Variants in ZFHX4 observed in about 807,000 individuals in gnomAD.
The protein encoded by ZFHX4 is zinc finger homeobox protein 4.
ZFHX4 carries 56 observed loss-of-function variants against 267.6 expected under a neutral mutation model. That is an observed-to-expected ratio of 0.21 (90% CI 0.17 to 0.26). ZFHX4 has a LOEUF of 0.26. Ranked by LOEUF, ZFHX4 falls within the 10% of genes least tolerant of loss-of-function variation. ZFHX4 has a pLI of 1.00. For synonymous variants in ZFHX4, 1,778 were observed against 1,665.6 expected (o/e 1.07, Z -1.64); for missense variants, 4,332 against 4,420.0 (o/e 0.98, Z 0.56).
At chr8:76,710,565 T>C (rs1233170661) in intron 3 of ZFHX4, among the ~76,000 whole-genome samples, 2 of 152,236 alleles carry the variant, frequency 1.3e-5, no homozygotes, top group Admixed American at 6.5e-5. Flanking sequence ...GACAGTAATC[T>C]CCTCTATAAA....
At chr8:76,693,825 G>A (rs530320657) in intron 1 of ZFHX4, among the ~76,000 whole-genome samples, 1 of 152,302 alleles carries the variant, frequency 6.6e-6, no homozygotes, top group Admixed American at 6.5e-5. Context: ...CTTGCCAGAA[G>A]TTGCTGGTCA....
chr8:76,741,489 C>G (rs1272911960), intron 3 of ZFHX4, among the ~76,000 whole-genome samples: 2 of 152,176 alleles, frequency 1.3e-5, no homozygotes, highest in African/African-American at 4.8e-5. Context: ...TGGTTACTCT[C>G]CATCCTTATC....
rs550548327 is a variant in ZFHX4 at position 76,709,030 on chromosome 8, G to A, written c.3093+982G>A. Among the ~76,000 whole-genome samples the A allele has an allele frequency of 2.0e-5, 3 of 152,244 alleles. No individual in the cohort carries two copies. The East Asian group carries it at 5.8e-4, about 29-fold the overall frequency. ...AAGTGTTGTCTATTGATTTGTACTA[G>A]AAATCAGTGTTAACTATACTATCAG... is the stretch of plus-strand genomic sequence containing the variant. On this transcript the variant is annotated intron_variant, in intron 3 of 10. Transcript: ENST00000651372.
chr8:76,689,476 A>G (rs539690817), intron 1 of ZFHX4, among the ~76,000 whole-genome samples: 1 of 152,300 alleles, frequency 6.6e-6, no homozygotes, highest in African/African-American at 2.4e-5. Flanking sequence ...CTAAAAGTGC[A>G]CAATTTCTCT....
intron 3 of ZFHX4, among the ~76,000 whole-genome samples, chr8:76,758,824 TG>T (rs1227820226): frequency 6.6e-6 from 1 of 152,160 alleles, no homozygotes; most frequent in Non-Finnish European, 1.5e-5. Context: ...TTATGACTCC[TG>T]AGCTTGAAAA....
intron 4 of ZFHX4, among the ~76,000 whole-genome samples, chr8:76,816,230 G>A (rs1284790893): frequency 6.6e-6 from 1 of 152,186 alleles, no homozygotes; most frequent in Non-Finnish European, 1.5e-5. Context: ...TATAGGTTGA[G>A]TGGAAAGTTT....
chr8:76,707,292 A>G (rs928130770), intron 2 of ZFHX4, among the ~76,000 whole-genome samples: 1 of 152,188 alleles, frequency 6.6e-6, no homozygotes, highest in African/African-American at 2.4e-5. Flanking sequence ...GGTATTGATC[A>G]ACTTTCTTGC....
intron 3 of ZFHX4, among the ~76,000 whole-genome samples, chr8:76,716,001 G>T (rs566753554): frequency 1.3e-5 from 2 of 152,204 alleles, no homozygotes; most frequent in African/African-American, 4.8e-5. Flanking sequence ...AGAACTATTT[G>T]TTCCTCGATA....
chr8:76,820,948 T>G (rs903691699), intron 4 of ZFHX4, among the ~76,000 whole-genome samples: 1 of 152,154 alleles, frequency 6.6e-6, no homozygotes, highest in African/African-American at 2.4e-5. Context: ...TCTTTTTTAG[T>G]CCCTGTCTTG....
chr8:76,781,012 C>G (rs1394409079), intron 4 of ZFHX4, among the ~76,000 whole-genome samples: 2 of 152,058 alleles, frequency 1.3e-5, no homozygotes, highest in African/African-American at 4.8e-5. Context: ...AAATGGTTAG[C>G]ACATCAGATA....
At chr8:76,849,157 T>C in intron 7 of ZFHX4, 29 bp downstream of exon 7, 2 of 1,524,146 alleles carry the variant, frequency 1.3e-6, no homozygotes, top group Non-Finnish European at 1.8e-6. Flanking sequence ...CTTTACTGTG[T>C]AAATCTTTAT....
Position 76,854,467 on chromosome 8 carries a change from T to C in ZFHX4, c.7546T>C (p.Phe2516Leu), listed in dbSNP as rs769650949. 4.3e-6 allele frequency: 7 copies of C among 1,613,872 alleles called. No individual in the cohort carries two copies. The highest frequency in any genetic ancestry group is 5.9e-6 in the Non-Finnish European group (7 of 1,179,854). The change falls in exon 10 of 11, where the codon TTC (phenylalanine) becomes CTC (leucine). Residue 2516 changes from phenylalanine to leucine, a missense_variant. Physicochemically the swap from Phe to Leu is conservative, Grantham distance 22. This residue lies in a region of ZFHX4 where 1,648 missense variants were observed against 1,625.0 expected (regional missense o/e 1.01). Transcript: ENST00000651372. ...CTGGCAGGAACACCAGCACATGCACTTCCTTGCTGCTCAAAACCAATTCCT... is the reference window on the plus strand; with the variant it reads ...CTGGCAGGAACACCAGCACATGCACCTCCTTGCTGCTCAAAACCAATTCCT... ...ELWQEHQHMH[F>L]LAAQNQFLHS...
intron 1 of ZFHX4, among the ~76,000 whole-genome samples, chr8:76,686,958 C>T (rs758153106): frequency 1.4e-4 from 21 of 152,168 alleles, no homozygotes; most frequent in Non-Finnish European, 2.4e-4. Flanking sequence ...TCTAAGACCA[C>T]TCTAAGGGTT....
intron 4 of ZFHX4, among the ~76,000 whole-genome samples, chr8:76,817,316 C>T (rs1811532220): frequency 6.6e-6 from 1 of 152,166 alleles, no homozygotes; most frequent in East Asian, 1.9e-4. Context: ...TTCAAAGCAG[C>T]GTTTTCACAC....
chr8:76,834,820 A>G (rs1812027769), intron 5 of ZFHX4, among the ~76,000 whole-genome samples: 1 of 152,038 alleles, frequency 6.6e-6, no homozygotes, highest in Non-Finnish European at 1.5e-5. Context: ...ATTGTTGCCA[A>G]ACCCAAAGTC....
At chr8:76,783,163 T>C (rs1183157635) in intron 4 of ZFHX4, among the ~76,000 whole-genome samples, 1 of 152,040 alleles carries the variant, frequency 6.6e-6, no homozygotes, top group Admixed American at 6.6e-5. Flanking sequence ...GTGAATCTTA[T>C]AAAGATAATT....
At chr8:76,688,441 A>T (rs1807746658) in intron 1 of ZFHX4, among the ~76,000 whole-genome samples, 1 of 152,080 alleles carries the variant, frequency 6.6e-6, no homozygotes, top group Non-Finnish European at 1.5e-5. Context: ...TTAATTCATA[A>T]AGTTCTGAAT....
At position 76,863,637 on chromosome 8, in the gene ZFHX4, C is replaced by T. The variant is rs1472316299; in HGVS notation, c.9923C>T (p.Ala3308Val). ...PYGPTMPQTL[A>V]GLSPGALLQQ... ...GGCCCTACAATGCCCCAGACACTGG[C>T]AGGTCTGTCCCCAGGTGCACTGTTG... The change falls in exon 11 of 11, where the codon GCA (alanine) becomes GTA (valine). Residue 3308 changes from alanine to valine, a missense_variant. Ala to Val is a moderately conservative substitution (Grantham distance 64). Around this residue, in one of 7 missense-constraint regions of ZFHX4, gnomAD observed 1,648 missense variants for 1,625.0 expected, o/e 1.01. Transcript: ENST00000651372. 6.2e-7 allele frequency: 1 copy of T among 1,612,432 alleles called. No individual in the cohort carries two copies. Among genetic ancestry groups the T allele is most frequent in the East Asian group, 2.2e-5 (1 of 44,790 alleles).
At chr8:76,724,627 G>T (rs1000450864) in intron 3 of ZFHX4, among the ~76,000 whole-genome samples, 2 of 152,076 alleles carry the variant, frequency 1.3e-5, no homozygotes, top group Non-Finnish European at 2.9e-5. Flanking sequence ...CATATTCTGA[G>T]TCCAGAAGTT....
Sources: gnomAD v4.1 joint callset for allele counts (sites outside exome capture counted in the v4.1 genomes callset) on GRCh38, gnomAD v4.1.1 for gene constraint, gnomAD v4.1.1 regional missense constraint, MANE v1.5 for transcripts, NCBI Gene and HGNC (gene_info 2026-07-23, HGNC 2026-07-21) for gene names.